Variants in PDE11A observed in about 807,000 individuals in gnomAD.
The protein encoded by PDE11A is dual 3',5'-cyclic-AMP and -GMP phosphodiesterase 11A.
PDE11A carries 100 observed loss-of-function variants against 100.5 expected under a neutral mutation model. The observed-to-expected ratio is 1.00, with a 90% CI of 0.85 to 1.18. The LOEUF (loss-of-function observed/expected upper bound fraction) is 1.18. Among genes scored for constraint, PDE11A ranks in the 50% most tolerant of loss-of-function variants. The pLI is 0.00. For missense variants in PDE11A, 1,141 were observed against 1,152.6 expected, an observed-to-expected ratio of 0.99 and a Z score of 0.15; for synonymous variants, 381 against 420.8, an observed-to-expected ratio of 0.91 and a Z score of 1.16.
chr2:177,758,595 C>A (rs2082128883), intron 10 of PDE11A, among the ~76,000 whole-genome samples: 1 of 152,212 alleles, frequency 6.6e-6, no homozygotes, highest in Non-Finnish European at 1.5e-5. Context: ...TGCAGGCACA[C>A]AGACAGCGAG....
At chr2:177,724,367 A>G (rs1183560756) in intron 12 of PDE11A, among the ~76,000 whole-genome samples, 1 of 151,962 alleles carries the variant, frequency 6.6e-6, no homozygotes, top group East Asian at 1.9e-4. Context: ...TTTGTTACCT[A>G]CACATGAACC....
At chr2:178,025,344 C>T (rs1019205164) in intron 1 of PDE11A, among the ~76,000 whole-genome samples, 1 of 152,168 alleles carries the variant, frequency 6.6e-6, no homozygotes, top group East Asian at 1.9e-4. Context: ...GGTTGATAGA[C>T]ACCATCAAAT....
intron 10 of PDE11A, among the ~76,000 whole-genome samples, chr2:177,752,566 A>T (rs2082038868): frequency 6.6e-6 from 1 of 152,234 alleles, no homozygotes; most frequent in African/African-American, 2.4e-5. Context: ...CATGTAAAAG[A>T]TCGAAATGTT....
At position 178,071,939 on chromosome 2, in the gene PDE11A, T is replaced by TG. The variant is rs750496546; in HGVS notation, c.498dup (p.Thr167HisfsTer34). The TG allele has an allele frequency of 5.0e-5, 80 of 1,613,892 alleles. 1 individual carries two copies. The South Asian group carries it at 8.0e-4, about 16-fold the overall frequency. ...AGCGCACTGAGAATATGGGCTGTGG[T>TG]GGGGGGCAGGGAGCTTGCCTTCCGG... On this transcript the variant is annotated frameshift_variant, in exon 1 of 20. Transcript: ENST00000286063. LOFTEE classifies it high-confidence loss of function.
chr2:177,903,799 C>T (rs190365087), intron 3 of PDE11A, among the ~76,000 whole-genome samples: 34 of 152,168 alleles, frequency 2.2e-4, no homozygotes, highest in African/African-American at 7.5e-4. Context: ...CATTGAAGGC[C>T]GAGGGAGGAA....
intron 10 of PDE11A, among the ~76,000 whole-genome samples, chr2:177,764,063 T>C (rs1430028102): frequency 6.6e-6 from 1 of 152,216 alleles, no homozygotes; most frequent in Non-Finnish European, 1.5e-5. Flanking sequence ...TTATCAAATC[T>C]AATTTTTTTT....
intron 8 of PDE11A, among the ~76,000 whole-genome samples, chr2:177,817,163 A>G (rs1315744582): frequency 6.6e-6 from 1 of 152,230 alleles, no homozygotes; most frequent in Non-Finnish European, 1.5e-5. Context: ...ACTATTTCAT[A>G]TGTTTAAAAA....
intron 5 of PDE11A, 145 bp downstream of exon 5, chr2:177,875,714 T>A (rs1372052473): frequency 1.5e-6 from 1 of 689,290 alleles, no homozygotes; most frequent in Non-Finnish European, 2.6e-6. Flanking sequence ...TAGTTTTAAT[T>A]TAAGCCCTGA....
At chr2:178,059,935 A>G (rs1465693201) in intron 1 of PDE11A, among the ~76,000 whole-genome samples, 3 of 152,198 alleles carry the variant, frequency 2.0e-5, no homozygotes, top group African/African-American at 7.2e-5. Context: ...TTGAAGCTAC[A>G]TTTGCCAGCC....
At chr2:177,659,497 C>T (rs2080443116) in intron 19 of PDE11A, among the ~76,000 whole-genome samples, 3 of 152,052 alleles carry the variant, frequency 2.0e-5, no homozygotes, top group Non-Finnish European at 2.9e-5. Flanking sequence ...ACTCCAAAAT[C>T]AAAAGCCAGT....
intron 2 of PDE11A, chr2:177,927,130 G>A (rs1470215028): frequency 2.0e-5 from 3 of 152,124 alleles, no homozygotes; most frequent in Non-Finnish European, 4.4e-5. Flanking sequence ...AAGTGACCCT[G>A]ACCCACACCT....
chr2:177,860,112 C>G (rs2083919937), intron 5 of PDE11A, among the ~76,000 whole-genome samples: 1 of 151,202 alleles, frequency 6.6e-6, no homozygotes, highest in Non-Finnish European at 1.5e-5. Flanking sequence ...ATAATAAAGA[C>G]TAGAGGGAGA....
intron 9 of PDE11A, among the ~76,000 whole-genome samples, chr2:177,772,754 AT>A (rs1350297283): frequency 6.6e-6 from 1 of 151,984 alleles, no homozygotes; most frequent in East Asian, 1.9e-4. Context: ...AATTGAAACA[AT>A]TTGAAACAGT....
chr2:178,087,562 G>A (rs1278839065), intron 2 of PDE11A, among the ~76,000 whole-genome samples: 2 of 152,116 alleles, frequency 1.3e-5, no homozygotes, highest in Non-Finnish European at 2.9e-5. Flanking sequence ...TGAAATGACA[G>A]ACAAAGGAGA....
At chr2:178,080,397 T>C (rs926163862) in intron 2 of PDE11A, among the ~76,000 whole-genome samples, 1 of 152,232 alleles carries the variant, frequency 6.6e-6, no homozygotes, top group South Asian at 2.1e-4. Context: ...ATTTATTAAA[T>C]AGGGAATCCT....
rs186775505 is a variant in PDE11A at position 177,875,804 on chromosome 2, G to C, written c.1367+55C>G. 331 of 1,118,840 alleles carry C rather than the reference G, an allele frequency of 3.0e-4. 3 individuals are homozygous for C. The African/African-American group carries it at 4.2e-3, about 14-fold the overall frequency. The allele number at this position is 1,118,840 out of a possible 1,614,324, so 69.3% of individuals were successfully genotyped here. A position where few individuals can be genotyped will look rare whatever the true frequency, so the allele number is the denominator to read the frequency against. On this transcript the variant is annotated intron_variant, in intron 5 of 19. Coordinates refer to ENST00000286063, the MANE Select transcript of PDE11A (RefSeq NM_016953.4). Reference sequence around the variant, plus strand: ...TATCTTCTAAGAATTATGCAATGCTGCTAACACCAAGGACAAAAGAACATC... The same window carrying C: ...TATCTTCTAAGAATTATGCAATGCTCCTAACACCAAGGACAAAAGAACATC...
At chr2:178,052,705 A>T (rs1385889662) in intron 1 of PDE11A, among the ~76,000 whole-genome samples, 1 of 152,174 alleles carries the variant, frequency 6.6e-6, no homozygotes, top group Non-Finnish European at 1.5e-5. Context: ...CCACAGAAAT[A>T]CAAACTACCA....
intron 18 of PDE11A, among the ~76,000 whole-genome samples, chr2:177,667,161 G>A (rs888997949): frequency 3.9e-5 from 6 of 151,980 alleles, no homozygotes; most frequent in Non-Finnish European, 4.4e-5. Context: ...TGATCAGGCC[G>A]CCTCAGCATC....
intron 18 of PDE11A, among the ~76,000 whole-genome samples, chr2:177,665,579 G>T (rs949512648): frequency 6.6e-6 from 1 of 151,272 alleles, no homozygotes; most frequent in African/African-American, 2.4e-5. Flanking sequence ...TTCTGGGCTG[G>T]GTGTGGTGGC....
Sources: gnomAD v4.1 joint callset for allele counts (sites outside exome capture counted in the v4.1 genomes callset) on GRCh38, gnomAD v4.1.1 for gene constraint, MANE v1.5 for transcripts, NCBI Gene and HGNC (gene_info 2026-07-23, HGNC 2026-07-21) for gene names.